The following TLN2 variants were observed in gnomAD, a reference collection of about 807,000 sequenced individuals.
TLN2 encodes talin 2.
A neutral mutation model predicts 294.7 loss-of-function variants in TLN2; 118 were observed. That is an observed-to-expected ratio of 0.40 (90% CI 0.34 to 0.47). The LOEUF is 0.47. Among genes scored for constraint, TLN2 ranks in the 20% least tolerant of loss-of-function variants. The probability of loss-of-function intolerance (pLI) is 0.84; values close to 1 mark genes in which losing one functional copy is unlikely to be tolerated. For synonymous variants in TLN2, 1,431 were observed against 1,304.5 expected, an observed-to-expected ratio of 1.10 and a Z score of -2.09; for missense variants, 3,083 against 3,282.2, an observed-to-expected ratio of 0.94 and a Z score of 1.48.
At chr15:62,653,339 A>G (rs758653779) in intron 7 of TLN2, 25 bp downstream of exon 7, 1 of 1,598,584 alleles carries the variant, frequency 6.3e-7, no homozygotes, top group South Asian at 1.1e-5. Flanking sequence ...AGGAAGCATG[A>G]TACAGACACA....
intron 1 of TLN2, among the ~76,000 whole-genome samples, chr15:62,533,253 C>CAAAAAAAA (rs10650730): frequency 5.8e-5 from 3 of 51,424 alleles, no homozygotes; most frequent in South Asian, 8.2e-4. Flanking sequence ...GACTCTGTCT[C>CAAAAAAAA]AAAAAAAAAA....
chr15:62,580,623 C>A (rs1415758751), intron 1 of TLN2, among the ~76,000 whole-genome samples: 1 of 152,012 alleles, frequency 6.6e-6, no homozygotes, highest in South Asian at 2.1e-4. Flanking sequence ...GTTGCCCAGG[C>A]TAGTCTCTAA....
At chr15:62,609,922 T>C (rs992918246) in intron 2 of TLN2, among the ~76,000 whole-genome samples, 8 of 152,254 alleles carry the variant, frequency 5.3e-5, no homozygotes, top group African/African-American at 1.7e-4. Flanking sequence ...ATTTTGACAT[T>C]CAAATTGTTC....
intron 1 of TLN2, among the ~76,000 whole-genome samples, chr15:62,510,115 G>A (rs1246770376): frequency 6.6e-6 from 1 of 152,192 alleles, no homozygotes; most frequent in African/African-American, 2.4e-5. Flanking sequence ...CCTTAGTAAA[G>A]CATCTTGCAA....
intron 1 of TLN2, among the ~76,000 whole-genome samples, chr15:62,482,689 CT>C (rs1170447782): frequency 2.8e-5 from 4 of 143,992 alleles, no homozygotes; most frequent in African/African-American, 7.5e-5. Flanking sequence ...AATCTTTAAA[CT>C]TTTTTTTGCC....
intron 1 of TLN2, among the ~76,000 whole-genome samples, chr15:62,583,289 G>C (rs2045296360): frequency 6.6e-6 from 1 of 152,144 alleles, no homozygotes; most frequent in East Asian, 1.9e-4. Context: ...AAAAATGAAT[G>C]CATTTCTTTT....
intron 1 of TLN2, among the ~76,000 whole-genome samples, chr15:62,418,659 G>A (rs937987597): frequency 3.3e-5 from 5 of 152,212 alleles, no homozygotes; most frequent in Non-Finnish European, 7.3e-5. Flanking sequence ...TCAGTAAAAG[G>A]TGGTTGGATT....
At chr15:62,454,323 G>A (rs1201387907) in intron 1 of TLN2, among the ~76,000 whole-genome samples, 2 of 152,080 alleles carry the variant, frequency 1.3e-5, no homozygotes, top group Non-Finnish European at 2.9e-5. Flanking sequence ...GGGACCCCAA[G>A]AATAGGCTTC....
intron 37 of TLN2, among the ~76,000 whole-genome samples, chr15:62,761,171 T>C (rs1055147533): frequency 1.3e-5 from 2 of 152,262 alleles, no homozygotes; most frequent in South Asian, 2.1e-4. Context: ...ATGACAGTTA[T>C]GCCTGCCTTG....
intron 19 of TLN2, among the ~76,000 whole-genome samples, chr15:62,703,262 C>A (rs963630177): frequency 3.3e-5 from 5 of 151,862 alleles, no homozygotes; most frequent in African/African-American, 1.2e-4. Flanking sequence ...GCCACCATGC[C>A]CGGCTAATTT....
At chr15:62,757,394 C>G (rs183987117) in intron 37 of TLN2, among the ~76,000 whole-genome samples, 247 of 152,288 alleles carry the variant, frequency 1.6e-3, no homozygotes, top group Middle Eastern at 6.8e-3. Flanking sequence ...GCAGTGACAT[C>G]GTTGGTTGCT....
chr15:62,429,408 C>T (rs1303557921), intron 1 of TLN2, among the ~76,000 whole-genome samples: 5 of 152,126 alleles, frequency 3.3e-5, no homozygotes, highest in Admixed American at 6.5e-5. Flanking sequence ...GTGTTAAGAT[C>T]GTGTCTAGCC....
intron 33 of TLN2, among the ~76,000 whole-genome samples, chr15:62,750,090 A>G (rs1436320716): frequency 6.6e-6 from 1 of 152,188 alleles, no homozygotes; most frequent in African/African-American, 2.4e-5. Flanking sequence ...ATTGCCTTGT[A>G]TTAATGTTCT....
At chr15:62,670,230 C>T (rs963777633) in intron 9 of TLN2, among the ~76,000 whole-genome samples, 2 of 152,214 alleles carry the variant, frequency 1.3e-5, no homozygotes, top group African/African-American at 4.8e-5. Flanking sequence ...TGCCTAGAGG[C>T]TGGCAGCAAC....
chr15:62,639,989 G>T (rs1396974118), intron 3 of TLN2, among the ~76,000 whole-genome samples: 1 of 152,212 alleles, frequency 6.6e-6, no homozygotes, highest in East Asian at 1.9e-4. Context: ...GGGACAGATA[G>T]GCACCTGTCT....
rs184226233 is a variant in TLN2, at chr15:62,806,017, C to T, written c.6663+232C>T. Among the ~76,000 whole-genome samples, 29 of 152,128 alleles carry T rather than the reference C, an allele frequency of 1.9e-4. 1 individual carries two copies. Among genetic ancestry groups the T allele is most frequent in the African/African-American group, 6.7e-4 (28 of 41,492 alleles). On this transcript the variant is annotated intron_variant, in intron 51 of 58. Transcript: ENST00000636159. ...CAGCCTGGGCAACATAGTGAGACCT[C>T]ATCTCTTAAAAAAAATTTTTTTTAA...
At chr15:62,648,200 C>T (rs758817303) in intron 4 of TLN2, among the ~76,000 whole-genome samples, 2 of 152,134 alleles carry the variant, frequency 1.3e-5, no homozygotes, top group South Asian at 2.1e-4. Context: ...GCGGGAAGAT[C>T]GCTTGAACCC....
rs370300510 is a variant in TLN2, at chr15:62,653,182, T to C, written c.385T>C (p.Tyr129His). 1.9e-6 allele frequency: 3 copies of C among 1,586,108 alleles called. No individual in the cohort carries two copies. Among genetic ancestry groups the C allele is most frequent in the Non-Finnish European group, 2.6e-6 (3 of 1,166,566 alleles). The change falls in exon 7 of 59, where the codon TAC becomes CAC. Residue 129 changes from tyrosine to histidine, a missense_variant. Tyr to His is a moderately conservative substitution (Grantham distance 83). Transcript: ENST00000636159. ...SRIGITNYEE[Y>H]SLIQETIEEK... The stretch of plus-strand genomic sequence containing the variant: ...TTTAGGAATAACAAATTATGAAGAA[T>C]ACTCCTTAATCCAAGAAACTATTGA...
At chr15:62,564,905 C>CAAAAAAA in intron 1 of TLN2, among the ~76,000 whole-genome samples, 1 of 112,834 alleles carries the variant, frequency 8.9e-6, no homozygotes, top group Admixed American at 9.6e-5. Context: ...AACTCCATCT[C>CAAAAAAA]AAAAAAAAAA....
Sources: allele counts gnomAD v4.1 joint callset (sites outside exome capture counted in the v4.1 genomes callset), GRCh38; gene constraint gnomAD v4.1.1; transcripts MANE v1.5; gene names NCBI Gene and HGNC (gene_info 2026-07-23, HGNC 2026-07-21).